The following NCAM2 variants were observed in gnomAD, a reference collection of about 807,000 sequenced individuals.
NCAM2 encodes the protein neural cell adhesion molecule 2.
Under a neutral mutation model 98.1 loss-of-function variants are expected in NCAM2, and 30 were observed. That is an observed-to-expected ratio of 0.31 (90% CI 0.23 to 0.41). The LOEUF (loss-of-function observed/expected upper bound fraction) is 0.41. Ranked by LOEUF, NCAM2 falls within the 10% of genes least tolerant of loss-of-function variation. The pLI is 1.00. For missense variants in NCAM2, 867 were observed against 1,005.8 expected (o/e 0.86, Z 1.87); for synonymous variants, 368 against 342.4 (o/e 1.07, Z -0.83).
intron 8 of NCAM2, among the ~76,000 whole-genome samples, chr21:21,352,092 G>A (rs1422540944): frequency 6.6e-6 from 1 of 151,496 alleles, no homozygotes; most frequent in African/African-American, 2.4e-5. Flanking sequence ...TTTGAGAAAG[G>A]GTCTTGCTTT....
intron 1 of NCAM2, among the ~76,000 whole-genome samples, chr21:21,228,473 A>T (rs1181327530): frequency 6.6e-6 from 1 of 151,528 alleles, no homozygotes; most frequent in Non-Finnish European, 1.5e-5. Flanking sequence ...TAGAGAATAG[A>T]TAAACTACAA....
chr21:21,284,722 A>G (rs1346130790), intron 3 of NCAM2, among the ~76,000 whole-genome samples: 2 of 151,100 alleles, frequency 1.3e-5, no homozygotes, highest in Non-Finnish European at 3.0e-5. Context: ...TTTTTTTTTC[A>G]CTGTAAAATA....
chr21:21,173,118 A>G (rs1490564633), intron 1 of NCAM2, among the ~76,000 whole-genome samples: 2 of 152,134 alleles, frequency 1.3e-5, no homozygotes, highest in Non-Finnish European at 2.9e-5. Flanking sequence ...AGGGTATTCA[A>G]ATGTTGTAGA....
intron 15 of NCAM2, among the ~76,000 whole-genome samples, chr21:21,484,320 C>A (rs970916583): frequency 7.2e-5 from 11 of 152,050 alleles, no homozygotes; most frequent in African/African-American, 2.7e-4. Context: ...TTGTGTAAAT[C>A]TTGCATTAAT....
rs894887595 is a variant in NCAM2 at position 21,363,581 on chromosome 21, C to G, written c.1045-10282C>G. Among the ~76,000 whole-genome samples the G allele has an allele frequency of 3.9e-5, 6 of 152,006 alleles. No homozygotes were observed. In the East Asian group the frequency reaches 5.8e-4, roughly 15 times the overall value. ...TTAGCTCCCCTGTCACCAGACTTAC[C>G]TTTAATGAAAATATCCATAGTGTTT... is the stretch of plus-strand genomic sequence containing the variant. On this transcript the variant is annotated intron_variant, in intron 8 of 17. Transcript: ENST00000400546.
chr21:21,512,800 T>G (rs761420634), intron 16 of NCAM2, among the ~76,000 whole-genome samples: 3 of 152,068 alleles, frequency 2.0e-5, no homozygotes, highest in Non-Finnish European at 4.4e-5. Flanking sequence ...GATGTTTTAC[T>G]TATTCACTTA....
chr21:21,140,755 C>T (rs113516755), intron 1 of NCAM2, among the ~76,000 whole-genome samples: 44 of 120,506 alleles, frequency 3.7e-4, no homozygotes, highest in African/African-American at 1.6e-3. Context: ...TATTTTTCAA[C>T]AATTTAATAT....
intron 1 of NCAM2, among the ~76,000 whole-genome samples, chr21:21,155,512 A>G (rs1193769989): frequency 2.0e-5 from 3 of 151,790 alleles, no homozygotes; most frequent in Non-Finnish European, 4.4e-5. Context: ...TCACATCACT[A>G]TGACTAGCAT....
At chr21:21,467,931 A>C (rs1264898792) in intron 13 of NCAM2, among the ~76,000 whole-genome samples, 2 of 152,002 alleles carry the variant, frequency 1.3e-5, no homozygotes, top group Non-Finnish European at 2.9e-5. Context: ...ATAACAGGTC[A>C]TGCCGGTTTA....
intron 15 of NCAM2, among the ~76,000 whole-genome samples, chr21:21,500,754 T>C (rs1277428544): frequency 1.3e-5 from 2 of 152,074 alleles, no homozygotes; most frequent in African/African-American, 2.4e-5. Flanking sequence ...TTTAAACTAT[T>C]TGGTAAGTAA....
intron 12 of NCAM2, among the ~76,000 whole-genome samples, chr21:21,435,095 A>G (rs893768070): frequency 6.6e-6 from 1 of 152,128 alleles, no homozygotes; most frequent in Non-Finnish European, 1.5e-5. Flanking sequence ...AGCTCTTTAT[A>G]CCTTTCCTCA....
chr21:21,263,214 C>A (rs990810479), intron 1 of NCAM2, among the ~76,000 whole-genome samples: 2 of 151,924 alleles, frequency 1.3e-5, no homozygotes, highest in African/African-American at 4.8e-5. Flanking sequence ...GCCAACAATG[C>A]TGAAGCAGAG....
chr21:21,406,380 A>G (rs1569027422), intron 9 of NCAM2, among the ~76,000 whole-genome samples: 1 of 152,202 alleles, frequency 6.6e-6, no homozygotes, highest in Non-Finnish European at 1.5e-5. Context: ...GTGTTGAATG[A>G]AGAACTTGGT....
chr21:21,419,379 C>CT (rs537343846), intron 11 of NCAM2, among the ~76,000 whole-genome samples: 2 of 116,180 alleles, frequency 1.7e-5, no homozygotes, highest in Non-Finnish European at 3.5e-5. Flanking sequence ...TATTATTATA[C>CT]TTTAAGTTTT....
intron 1 of NCAM2, among the ~76,000 whole-genome samples, chr21:21,278,598 C>T (rs2072816069): frequency 6.6e-6 from 1 of 151,986 alleles, no homozygotes; most frequent in Non-Finnish European, 1.5e-5. Context: ...ATTTATTGAG[C>T]CTCTATAATA....
chr21:21,045,479 T>C (rs987354045), intron 1 of NCAM2, among the ~76,000 whole-genome samples: 19 of 152,150 alleles, frequency 1.2e-4, no homozygotes, highest in African/African-American at 4.1e-4. Context: ...CCCCCATCTC[T>C]ACAACAAAAT....
intron 5 of NCAM2, among the ~76,000 whole-genome samples, chr21:21,311,497 C>A (rs4468900): frequency 6.6e-6 from 1 of 151,914 alleles, no homozygotes; most frequent in Admixed American, 6.6e-5. Flanking sequence ...CCCGCCACCA[C>A]GCCCAGCTAA....
intron 8 of NCAM2, among the ~76,000 whole-genome samples, chr21:21,347,784 G>C (rs1049559931): frequency 2.0e-5 from 3 of 151,948 alleles, no homozygotes; most frequent in African/African-American, 7.2e-5. Context: ...CATTCATCAT[G>C]ACAAAGTGGG....
intron 14 of NCAM2, among the ~76,000 whole-genome samples, chr21:21,470,845 G>C (rs1984354036): frequency 1.3e-5 from 2 of 151,806 alleles, no homozygotes; most frequent in Admixed American, 1.3e-4. Context: ...TTTTAACAGG[G>C]GACATTGTTT....
Sources: gnomAD v4.1 joint callset for allele counts (sites outside exome capture counted in the v4.1 genomes callset) on GRCh38, gnomAD v4.1.1 for gene constraint, MANE v1.5 for transcripts, NCBI Gene and HGNC (gene_info 2026-07-23, HGNC 2026-07-21) for gene names.